EPHA10: variants seen among roughly 807,000 people sequenced by gnomAD.
The protein encoded by EPHA10 is EPH receptor A10, also known as ephrin type-A receptor 10.
Under a neutral mutation model 109.7 loss-of-function variants are expected in EPHA10, and 120 were observed. The ratio of observed to expected loss-of-function variants is 1.09; its 90% CI spans 0.94 to 1.27. The LOEUF (loss-of-function observed/expected upper bound fraction) is 1.27, where lower values mean the gene tolerates loss of function less well. Ranked by LOEUF, EPHA10 falls within the 50% of genes most tolerant of loss-of-function variation. The probability of loss-of-function intolerance (pLI) is 0.00; values close to 1 mark genes in which losing one functional copy is unlikely to be tolerated. For missense variants in EPHA10, 1,396 were observed against 1,411.1 expected (o/e 0.99, Z 0.17); for synonymous variants, 640 against 618.9 (o/e 1.03, Z -0.51).
intron 7 of EPHA10, among the ~76,000 whole-genome samples, chr1:37,727,748 G>T (rs979173157): frequency 1.3e-5 from 2 of 152,178 alleles, no homozygotes; most frequent in Non-Finnish European, 2.9e-5. Flanking sequence ...TACATAATTT[G>T]CCCAAGATCA....
chr1:37,755,883 G>A (rs1646389116), intron 3 of EPHA10, among the ~76,000 whole-genome samples: 2 of 152,242 alleles, frequency 1.3e-5, no homozygotes, highest in South Asian at 4.1e-4. Context: ...CTCTCCTCTA[G>A]TTTAGCTGGC....
In EPHA10 at chr1:37,716,197, T is replaced by C; in HGVS notation, c.*2175A>G. ...GCCCCACATCACATCTGTGCAGGGC[T>C]GAGGCCTGGGACCCAACAGGATTCT... is the stretch of plus-strand genomic sequence containing the variant. On this transcript the variant is annotated 3_prime_UTR_variant, in exon 17 of 17. Coordinates refer to ENST00000373048, the MANE Select transcript of EPHA10 (RefSeq NM_001099439.2). 2.9e-6 allele frequency: 1 copy of C among 345,968 alleles called. No homozygotes were observed. The highest frequency in any genetic ancestry group is 3.4e-5 in the South Asian group (1 of 29,310). 21.4% of individuals were successfully genotyped at this position (345,968 alleles called of 1,614,324 possible). A position where few individuals can be genotyped will look rare whatever the true frequency, so the allele number is the denominator to read the frequency against.
chr1:37,753,935 G>A (rs1646368658), intron 4 of EPHA10, among the ~76,000 whole-genome samples: 2 of 152,092 alleles, frequency 1.3e-5, no homozygotes, highest in South Asian at 4.2e-4. Context: ...GGAGAGGGCA[G>A]CGGAGGGGCG....
At chr1:37,736,623 A>G (rs928180977) in intron 5 of EPHA10, among the ~76,000 whole-genome samples, 6 of 152,014 alleles carry the variant, frequency 3.9e-5, no homozygotes, top group Admixed American at 6.6e-5. Flanking sequence ...CAGGGGAATC[A>G]CTTGAACCTG....
chr1:37,720,495 T>A lies in EPHA10; in HGVS notation c.2268A>T (p.Ser756=), dbSNP rs1645773584. Residue 756 remains serine, a synonymous_variant, in exon 13 of 17, where the codon TCA becomes TCT. Coordinates refer to ENST00000373048, the MANE Select transcript of EPHA10 (RefSeq NM_001099439.2). ...CCATCTCTGACAGATACTTCATGGC[T>A]GATGCCAGCCCAGGCAGCAACCCCA... ...QLMGLLPGLA[S]AMKYLSEMGY... 1 of 1,613,166 alleles carries A rather than the reference T, an allele frequency of 6.2e-7. No homozygotes were observed. The highest frequency in any genetic ancestry group is 8.5e-7 in the Non-Finnish European group (1 of 1,179,934).
At chr1:37,753,271 C>T in intron 4 of EPHA10, 45 bp from the exon 5 acceptor site, 1 of 1,161,206 alleles carries the variant, frequency 8.6e-7, no homozygotes, top group Non-Finnish European at 1.1e-6. Context: ...GGCGTGGGTG[C>T]CCGTGAGAGG....
intron 2 of EPHA10, 88 bp downstream of exon 2, chr1:37,762,697 T>C: frequency 8.1e-7 from 1 of 1,231,748 alleles, no homozygotes; most frequent in South Asian, 1.8e-5. Flanking sequence ...GGAGCACTTT[T>C]GTCTGATGTA....
At chr1:37,720,685 G>A in intron 12 of EPHA10, 98 bp downstream of exon 12, 1 of 1,550,270 alleles carries the variant, frequency 6.5e-7, no homozygotes, top group South Asian at 1.1e-5. Context: ...CGGCCAGTGG[G>A]GATGATGCCA....
chr1:37,723,510 G>A (rs984743370), intron 8 of EPHA10, 138 bp from the exon 9 acceptor site: 5 of 974,688 alleles, frequency 5.1e-6, no homozygotes, highest in Non-Finnish European at 6.0e-6. Context: ...TGTCCAGCTG[G>A]TTTAAAAGCT....
intron 5 of EPHA10, among the ~76,000 whole-genome samples, chr1:37,747,118 TA>T (rs971632668): frequency 6.6e-6 from 1 of 152,218 alleles, no homozygotes; most frequent in African/African-American, 2.4e-5. Flanking sequence ...GAATTATACC[TA>T]AAAAAACCTT....
intron 10 of EPHA10, 32 bp downstream of exon 10, chr1:37,723,009 T>C (rs1187786743): frequency 1.2e-6 from 2 of 1,613,712 alleles, no homozygotes; most frequent in African/African-American, 2.7e-5. Flanking sequence ...GGCTTCCAGA[T>C]GGGGACAAGG....
At chr1:37,725,870 G>A (rs1645882589) in intron 8 of EPHA10, among the ~76,000 whole-genome samples, 1 of 152,326 alleles carries the variant, frequency 6.6e-6, no homozygotes, top group Non-Finnish European at 1.5e-5. Flanking sequence ...GGACCATGGC[G>A]CAGAGCAGGT....
intron 7 of EPHA10, 132 bp from the exon 8 acceptor site, chr1:37,727,342 C>G (rs1195314021): frequency 3.0e-6 from 2 of 658,810 alleles, no homozygotes; most frequent in Non-Finnish European, 4.8e-6. Context: ...CTCCCAGCCA[C>G]AGAGGCGCCA....
At position 37,718,459 on chromosome 1, in the gene EPHA10, CAA is replaced by C. The variant is rs777210885; in HGVS notation, c.2938_2939del (p.Leu980GlyfsTer2). On this transcript the variant is annotated frameshift_variant, in exon 17 of 17. Transcript: ENST00000373048. LOFTEE classifies it high-confidence loss of function. ...TGAGGAGGGCCTCTCGATGTTCAGC[CAA>C]AGAGATGCCTAGGCTCACCAGGTCC... ...AQDLVSLGIS[L>X]AEHREALLSG... 6 of 1,613,324 alleles carry C rather than the reference CAA, an allele frequency of 3.7e-6. No homozygotes were observed. Among genetic ancestry groups the C allele is most frequent in the African/African-American group, 1.3e-5 (1 of 74,930 alleles).
intron 3 of EPHA10, chr1:37,761,175 C>G (rs1226893478): frequency 2.8e-6 from 4 of 1,441,382 alleles, no homozygotes; most frequent in Non-Finnish European, 3.6e-6. Flanking sequence ...AGATATAGAT[C>G]CCTAATGCCT....
chr1:37,735,454 G>A, intron 5 of EPHA10, 64 bp from the exon 6 acceptor site: 1 of 1,525,830 alleles, frequency 6.6e-7, no homozygotes, highest in Non-Finnish European at 8.8e-7. Context: ...GGGGGTGCGG[G>A]GAAGAGGGTG....
intron 5 of EPHA10, among the ~76,000 whole-genome samples, chr1:37,741,853 C>T (rs1196900392): frequency 1.3e-5 from 2 of 151,990 alleles, no homozygotes; most frequent in East Asian, 1.9e-4. Context: ...TCTTCCCTAT[C>T]CCCCGGGGGC....
chr1:37,719,083 G>C, intron 15 of EPHA10: 1 of 596,466 alleles, frequency 1.7e-6, no homozygotes, highest in South Asian at 2.1e-5. Context: ...GGACTGGTTG[G>C]TGACTCATAT....
At chr1:37,752,458 T>C (rs966867477) in intron 5 of EPHA10, among the ~76,000 whole-genome samples, 3 of 152,036 alleles carry the variant, frequency 2.0e-5, no homozygotes, top group Non-Finnish European at 4.4e-5. Context: ...CTACTGACAT[T>C]TTTTTAAAGG....
Sources: gnomAD v4.1 joint callset for allele counts (sites outside exome capture counted in the v4.1 genomes callset) on GRCh38, gnomAD v4.1.1 for gene constraint, MANE v1.5 for transcripts, NCBI Gene and HGNC (gene_info 2026-07-23, HGNC 2026-07-21) for gene names.